Variants in RABGAP1 observed in about 807,000 individuals in gnomAD.
RABGAP1 encodes the protein RAB GTPase activating protein 1.
Under a neutral mutation model 137.6 loss-of-function variants are expected in RABGAP1, and 23 were observed. That is an observed-to-expected ratio of 0.17 (90% CI 0.12 to 0.24). The LOEUF (loss-of-function observed/expected upper bound fraction) is 0.24, where lower values mean the gene tolerates loss of function less well. RABGAP1 is among the 10% of genes least tolerant of loss of function. The pLI is 1.00. For synonymous variants in RABGAP1, 451 were observed against 450.7 expected, an observed-to-expected ratio of 1.00 and a Z score of -0.01; for missense variants, 906 against 1,275.8, an observed-to-expected ratio of 0.71 and a Z score of 4.42.
At position 123,010,498 on chromosome 9, in the gene RABGAP1, C is replaced by T. The variant is rs754834779; in HGVS notation, c.1519C>T (p.Pro507Ser). 6.2e-6 allele frequency: 10 copies of T among 1,613,680 alleles called. No homozygotes were observed. Among genetic ancestry groups the T allele is most frequent in the Non-Finnish European group, 6.8e-6 (8 of 1,179,716 alleles). ...PQSGSQSSVI[P>S]SPPEDDEEED... Reference sequence around the variant, plus strand: ...GTCTGGATCGCAAAGTTCAGTGATACCTTCTCCTCCAGAAGATGATGAAGA... The same window carrying T: ...GTCTGGATCGCAAAGTTCAGTGATATCTTCTCCTCCAGAAGATGATGAAGA... The change falls in exon 11 of 26, where the codon CCT becomes TCT. Residue 507 changes from proline (P) to serine (S), a missense_variant. By Grantham distance (74) the Pro-to-Ser change is moderately conservative (BLOSUM62 -1). This residue lies in a region of RABGAP1 where 212 missense variants were observed against 289.4 expected (regional missense o/e 0.73). Transcript: ENST00000373647.
chr9:122,995,868 C>A (rs920720346), intron 6 of RABGAP1, among the ~76,000 whole-genome samples, 173 bp from the exon 7 acceptor site: 3 of 152,150 alleles, frequency 2.0e-5, no homozygotes, highest in Non-Finnish European at 2.9e-5. Flanking sequence ...AGTGCCTAGA[C>A]TCAAATGATG....
chr9:123,090,233 T>C (rs1474742549), intron 20 of RABGAP1, 42 bp from the exon 21 acceptor site: 2 of 1,469,796 alleles, frequency 1.4e-6, no homozygotes, highest in Non-Finnish European at 9.3e-7. Context: ...CATTTCCATC[T>C]GATTTTTATG....
chr9:122,963,282 T>C (rs1005156605), intron 2 of RABGAP1, among the ~76,000 whole-genome samples: 3 of 152,160 alleles, frequency 2.0e-5, no homozygotes, highest in African/African-American at 7.2e-5. Flanking sequence ...TATACTGCTT[T>C]CAATAATGAA....
chr9:123,101,709 G>A lies in RABGAP1; in HGVS notation c.3033G>A (p.Glu1011=). 29 of 1,613,858 alleles carry A rather than the reference G, an allele frequency of 1.8e-5. No individual in the cohort carries two copies. Among genetic ancestry groups the A allele is most frequent in the Non-Finnish European group, 2.5e-5 (29 of 1,179,894 alleles). Residue 1011 remains glutamate, a synonymous_variant, in exon 25 of 26, where the codon GAG becomes GAA. Coordinates refer to ENST00000373647, the MANE Select transcript of RABGAP1 (RefSeq NM_012197.4). ...TCAAGAACCAGCTGAGAGAAATGGA[G>A]CTAGAACTGGCACAGACCAAACTCC... ...ETLKNQLREM[E]LELAQTKLQL...
intron 6 of RABGAP1, chr9:122,990,796 A>AAATAT (rs1564384161): frequency 3.6e-5 from 1 of 27,766 alleles, no homozygotes; most frequent in African/African-American, 1.2e-4. Context: ...AAAAAAAAAA[A>AAATAT]ATATATATAT....
intron 13 of RABGAP1, among the ~76,000 whole-genome samples, chr9:123,058,673 G>A (rs902836841): frequency 2.6e-5 from 4 of 152,132 alleles, no homozygotes; most frequent in Non-Finnish European, 5.9e-5. Flanking sequence ...AATTTAAGAA[G>A]TGCTGATATT....
intron 1 of RABGAP1, among the ~76,000 whole-genome samples, chr9:122,950,250 T>C (rs553202471): frequency 9.9e-5 from 15 of 152,044 alleles, no homozygotes; most frequent in African/African-American, 3.4e-4. Flanking sequence ...ACATGAGGGA[T>C]AGTGAAGAAG....
chr9:122,989,447 C>T lies in RABGAP1; in HGVS notation c.741C>T (p.Val247=). ...HYNAELFRIH[V]FRCEIQEAVS... ...ATGCAGAGCTCTTCAGAATACACGT[C>T]TTCCGGTGTGAAATACAAGAAGCTG... is the stretch of plus-strand genomic sequence containing the variant. The change falls in exon 5 of 26, where the codon GTC becomes GTT. Residue 247 remains valine, a synonymous_variant. Coordinates refer to ENST00000373647, the MANE Select transcript of RABGAP1 (RefSeq NM_012197.4). The T allele has an allele frequency of 6.2e-7, 1 of 1,613,994 alleles. No homozygotes were observed. The highest frequency in any genetic ancestry group is 1.1e-5 in the South Asian group (1 of 91,076).
chr9:123,030,657 C>CT (rs1310842469), intron 13 of RABGAP1, among the ~76,000 whole-genome samples: 1 of 152,164 alleles, frequency 6.6e-6, no homozygotes, highest in Non-Finnish European at 1.5e-5. Flanking sequence ...CCCATCATCT[C>CT]TAACATTTAT....
chr9:122,958,368 G>A (rs1024973045), intron 2 of RABGAP1, among the ~76,000 whole-genome samples: 4 of 152,154 alleles, frequency 2.6e-5, no homozygotes, highest in Non-Finnish European at 4.4e-5. Flanking sequence ...TAGACTCTAA[G>A]CAAATAAGAA....
chr9:123,027,751 C>T (rs1366120507), intron 13 of RABGAP1, among the ~76,000 whole-genome samples: 1 of 152,150 alleles, frequency 6.6e-6, no homozygotes, highest in Non-Finnish European at 1.5e-5. Flanking sequence ...TTTCCTTAAG[C>T]TTTGACATTC....
intron 19 of RABGAP1, among the ~76,000 whole-genome samples, chr9:123,086,145 A>C (rs2034858484): frequency 6.6e-6 from 1 of 152,192 alleles, no homozygotes. Flanking sequence ...CTGGCCTGAC[A>C]GGACGAGAGT....
intron 13 of RABGAP1, among the ~76,000 whole-genome samples, chr9:123,058,493 T>C (rs1026741674): frequency 2.0e-5 from 3 of 152,158 alleles, no homozygotes; most frequent in African/African-American, 7.2e-5. Flanking sequence ...AACAATTTTA[T>C]TAAAATAAGA....
chr9:122,941,258 C>T (rs1384750881), intron 1 of RABGAP1, among the ~76,000 whole-genome samples, 165 bp downstream of exon 1: 4 of 152,044 alleles, frequency 2.6e-5, no homozygotes, highest in African/African-American at 9.7e-5. Flanking sequence ...TGAGGGGAGC[C>T]GTGATTGGGG....
In RABGAP1 at chr9:122,986,297, C is replaced by G. The variant is rs1204018762; in HGVS notation, c.468C>G (p.Ala156=). ...GTAAACTGACTTACTTAGGCTGTGC[C>G]TCGGTAAATGCTCCCAGGAGTGAAG... ...VFSKLTYLGC[A]SVNAPRSEVE... Residue 156 remains alanine (A), a synonymous_variant, in exon 4 of 26, where the codon GCC becomes GCG. Transcript: ENST00000373647. 3 of 1,614,028 alleles carry G rather than the reference C, an allele frequency of 1.9e-6. No homozygotes were observed. Among genetic ancestry groups the G allele is most frequent in the East Asian group, 4.5e-5 (2 of 44,896 alleles).
At chr9:123,075,086 TA>T (rs1473024287) in intron 17 of RABGAP1, among the ~76,000 whole-genome samples, 1 of 152,098 alleles carries the variant, frequency 6.6e-6, no homozygotes, top group African/African-American at 2.4e-5. Context: ...GTGGTGTGTT[TA>T]AGAAAAACAT....
intron 15 of RABGAP1, among the ~76,000 whole-genome samples, chr9:123,073,269 T>C (rs951273158): frequency 1.3e-5 from 2 of 152,240 alleles, no homozygotes; most frequent in African/African-American, 4.8e-5. Context: ...TCTTGTATTA[T>C]CACTGATGTC....
chr9:122,970,593 C>G (rs1488469788), intron 2 of RABGAP1, among the ~76,000 whole-genome samples: 1 of 152,096 alleles, frequency 6.6e-6, no homozygotes, highest in Non-Finnish European at 1.5e-5. Flanking sequence ...TTTTTTCAAC[C>G]CTTATCCCTC....
intron 24 of RABGAP1, among the ~76,000 whole-genome samples, chr9:123,099,813 G>A (rs950171633): frequency 1.3e-5 from 2 of 152,160 alleles, no homozygotes; most frequent in African/African-American, 2.4e-5. Context: ...TAAGGCAGTC[G>A]ATGTCCGCAG....
Sources: gnomAD v4.1 joint callset for allele counts (sites outside exome capture counted in the v4.1 genomes callset) on GRCh38, gnomAD v4.1.1 for gene constraint, gnomAD v4.1.1 regional missense constraint, MANE v1.5 for transcripts, NCBI Gene and HGNC (gene_info 2026-07-23, HGNC 2026-07-21) for gene names.